The following ENKD1 variants were observed in gnomAD, a reference collection of about 807,000 sequenced individuals.
ENKD1 encodes the protein enkurin domain-containing protein 1.
Under a neutral mutation model 35.8 loss-of-function variants are expected in ENKD1, and 39 were observed. That is an observed-to-expected ratio of 1.09 (90% confidence interval 0.84 to 1.42). ENKD1 has a LOEUF of 1.42. ENKD1 is among the 40% of genes most tolerant of loss of function. ENKD1 has a pLI of 0.00. For synonymous variants in ENKD1, 205 were observed against 198.6 expected (o/e 1.03, Z -0.27); for missense variants, 474 against 471.3 (o/e 1.01, Z -0.05).
intron 2 of ENKD1, 126 bp downstream of exon 2, chr16:67,665,945 G>C (rs1032344184): frequency 9.7e-7 from 1 of 1,032,734 alleles, no homozygotes; most frequent in African/African-American, 1.6e-5. Flanking sequence ...CCCTTTTATA[G>C]TTGGGGAAAC....
chr16:67,663,874 GA>G, intron 4 of ENKD1, 54 bp from the exon 5 acceptor site: 1 of 1,602,954 alleles, frequency 6.2e-7, no homozygotes, highest in Non-Finnish European at 8.5e-7. Context: ...TTGTGTCCCT[GA>G]ACACCCCCCC....
intron 2 of ENKD1, 121 bp from the exon 3 acceptor site, chr16:67,665,289 T>A: frequency 9.8e-7 from 1 of 1,025,490 alleles, no homozygotes; most frequent in Non-Finnish European, 1.4e-6. Context: ...CCTCTCCAAC[T>A]ACCTTAGACC....
chr16:67,663,537 G>C lies in ENKD1; in HGVS notation c.763C>G (p.Leu255Val). Residue 255 changes from leucine to valine, a missense_variant, in exon 6 of 7, where the codon CTG becomes GTG. By Grantham distance (32) the Leu-to-Val change is conservative. Coordinates refer to ENST00000243878, the MANE Select transcript of ENKD1 (RefSeq NM_032140.3). ...CGGGCCTCGGCCTCCCGCCGCCACA[G>C]GTCCCTGCGCTCCAACAAGCTGTGG... ...VPHYLLERRDLWRREAEARKQ... is the reference protein window; with the variant it reads ...VPHYLLERRDVWRREAEARKQ... The C allele has an allele frequency of 5.6e-6, 9 of 1,612,254 alleles. No individual in the cohort carries two copies. The highest frequency in any genetic ancestry group is 7.6e-6 in the Non-Finnish European group (9 of 1,179,560).
At position 67,666,735 on chromosome 16, in the gene ENKD1, CTTG is replaced by C. The variant is rs990565609; in HGVS notation, c.-296_-294del. 4.6e-5 allele frequency: 22 copies of C among 481,990 alleles called. No individual in the cohort carries two copies. The highest frequency in any genetic ancestry group is 8.2e-5 in the African/African-American group (4 of 48,986). The allele number at this position is 481,990 out of a possible 1,614,324, so 29.9% of individuals were successfully genotyped here. A position where few individuals can be genotyped will look rare whatever the true frequency, so the allele number is the denominator to read the frequency against. On this transcript the variant is annotated 5_prime_UTR_variant, in exon 1 of 7. Transcript: ENST00000243878. ...CGCCAGCCGCTGCCACCCGACGGGACTTGTTGTTGCCGGGCAACCGTGGCTTCC... is the reference window on the plus strand; with the variant it reads ...CGCCAGCCGCTGCCACCCGACGGGACTTGTTGCCGGGCAACCGTGGCTTCC...
In ENKD1 at chr16:67,666,072, CTT is replaced by C. The variant is rs753830306; in HGVS notation, c.277_278del (p.Lys93GlufsTer5). ...CCTTCTTCCATTCCTGGGACTTACT[CTT>C]GAGAGAGGCCCCAGGACCTAGGGAG... Reference protein sequence around the residue: ...GISLGPGASLKRKDPKDHEKE... With the variant: ...GISLGPGASLXRKDPKDHEKE... On this transcript the variant is annotated frameshift_variant and splice_region_variant, in exon 2 of 7. Transcript: ENST00000243878. LOFTEE classifies it high-confidence loss of function. 6.2e-6 allele frequency: 10 copies of C among 1,612,402 alleles called. No individual in the cohort carries two copies. Among genetic ancestry groups the C allele is most frequent in the Non-Finnish European group, 8.5e-6 (10 of 1,179,836 alleles).
chr16:67,665,642 G>A (rs978140251), intron 2 of ENKD1, among the ~76,000 whole-genome samples: 1 of 152,192 alleles, frequency 6.6e-6, no homozygotes, highest in African/African-American at 2.4e-5. Flanking sequence ...GATTCCAGGA[G>A]TGAGCCACTG....
At position 67,665,094 on chromosome 16, in the gene ENKD1, C is replaced by T. The variant is rs1448883403; in HGVS notation, c.355G>A (p.Glu119Lys). Residue 119 changes from glutamate (E) to lysine (K), a missense_variant, in exon 3 of 7, where the codon GAG becomes AAG. Physicochemically the swap from Glu to Lys is moderately conservative, Grantham distance 56. Transcript: ENST00000243878. Reference sequence around the variant, plus strand: ...GGCTGGCCCTGCTCCCGGCTGCGCTCCTGTTCTCTGAAGCGCTTCTGAATC... The same window carrying T: ...GGCTGGCCCTGCTCCCGGCTGCGCTTCTGTTCTCTGAAGCGCTTCTGAATC... ...REIQKRFREQ[E>K]RSREQGQPRP... 1 of 1,613,966 alleles carries T rather than the reference C, an allele frequency of 6.2e-7. No homozygotes were observed. The highest frequency in any genetic ancestry group is 1.1e-5 in the South Asian group (1 of 91,088).
chr16:67,666,526 GC>G lies in ENKD1; in HGVS notation c.-85del. On this transcript the variant is annotated 5_prime_UTR_variant, in exon 1 of 7. Coordinates refer to ENST00000243878, the MANE Select transcript of ENKD1 (RefSeq NM_032140.3). Reference sequence around the variant, plus strand: ...CCCGGGCCCCCTTCCCCAACCCCGGGCCCCCTCCCTCGCCCGGCACCCTGAC... The same window carrying G: ...CCCGGGCCCCCTTCCCCAACCCCGGGCCCCTCCCTCGCCCGGCACCCTGAC... 1 of 1,266,040 alleles carries G rather than the reference GC, an allele frequency of 7.9e-7. No individual in the cohort carries two copies. The highest frequency in any genetic ancestry group is 1.7e-5 in the South Asian group (1 of 58,724). The allele number at this position is 1,266,040 out of a possible 1,614,324, so 78.4% of individuals were successfully genotyped here. A position where few individuals can be genotyped will look rare whatever the true frequency, so the allele number is the denominator to read the frequency against.
At chr16:67,663,869 T>A in intron 4 of ENKD1, 49 bp from the exon 5 acceptor site, 1 of 1,602,378 alleles carries the variant, frequency 6.2e-7, no homozygotes, top group Admixed American at 1.7e-5. Flanking sequence ...TTATGTTGTG[T>A]CCCTGAACAC....
chr16:67,666,592 G>A lies in ENKD1; in HGVS notation c.-150C>T. The A allele has an allele frequency of 1.4e-6, 1 of 697,498 alleles. No homozygotes were observed. The highest frequency in any genetic ancestry group is 2.2e-6 in the Non-Finnish European group (1 of 461,864). The allele number at this position is 697,498 out of a possible 1,614,324, so 43.2% of individuals were successfully genotyped here. On this transcript the variant is annotated 5_prime_UTR_variant, in exon 1 of 7. Coordinates refer to ENST00000243878, the MANE Select transcript of ENKD1 (RefSeq NM_032140.3). ...CACTCCCGGGCCCCTGCCGGTCCCCGCCTGGGCCCCGGCCTCGCTCGCCAC... is the reference window on the plus strand; with the variant it reads ...CACTCCCGGGCCCCTGCCGGTCCCCACCTGGGCCCCGGCCTCGCTCGCCAC...
intron 3 of ENKD1, among the ~76,000 whole-genome samples, chr16:67,664,688 C>T (rs186109033): frequency 7.9e-5 from 12 of 152,320 alleles, no homozygotes; most frequent in Admixed American, 1.3e-4. Context: ...CCTAACTTCA[C>T]GCCCTTCTTT....
At chr16:67,665,279 C>T (rs2053086144) in intron 2 of ENKD1, 111 bp from the exon 3 acceptor site, 3 of 1,208,816 alleles carry the variant, frequency 2.5e-6, no homozygotes, top group South Asian at 2.9e-5. Context: ...AGCTCCCTGA[C>T]CTCTCCAACT....
chr16:67,663,855 A>G lies in ENKD1; in HGVS notation c.580-35T>C, dbSNP rs756882411. The G allele has an allele frequency of 1.9e-6, 3 of 1,601,778 alleles. No individual in the cohort carries two copies. In the East Asian group the frequency reaches 6.8e-5, roughly 36 times the overall value. ...ACAGCAAGCGTGGGTGGGGGCAGAC[A>G]GCATTATGTTGTGTCCCTGAACACC... On this transcript the variant is annotated intron_variant, in intron 4 of 6. Transcript: ENST00000243878.
chr16:67,663,759 C>CG lies in ENKD1; in HGVS notation c.640dup (p.Arg214ProfsTer68), dbSNP rs772512087. 8 of 1,611,078 alleles carry CG rather than the reference C, an allele frequency of 5.0e-6. No homozygotes were observed. Among genetic ancestry groups the CG allele is most frequent in the African/African-American group, 2.7e-5 (2 of 75,000 alleles). Reference sequence around the variant, plus strand: ...GACCTGCAGTGAGCAGGAATGCCTCCGGGGGGCTCTCTTGGCAGCTCGTGC... The same window carrying CG: ...GACCTGCAGTGAGCAGGAATGCCTCCGGGGGGGCTCTCTTGGCAGCTCGTGC... On this transcript the variant is annotated frameshift_variant, in exon 5 of 7. Transcript: ENST00000243878. LOFTEE classifies it high-confidence loss of function.
chr16:67,666,185 C>T lies in ENKD1; in HGVS notation c.166G>A (p.Gly56Ser), dbSNP rs1448153388. The T allele has an allele frequency of 3.1e-6, 5 of 1,611,958 alleles. No individual in the cohort carries two copies. The highest frequency in any genetic ancestry group is 4.2e-6 in the Non-Finnish European group (5 of 1,179,616). The change falls in exon 2 of 7, where the codon GGC becomes AGC. Residue 56 changes from glycine (G) to serine (S), a missense_variant. Transcript: ENST00000243878. ...CCGGCACCGGGACCGATGCAGGGGC[C>T]ACGGGGAGCGGTGGTGTCCAGGGCC... is the stretch of plus-strand genomic sequence containing the variant. ...DRALDTTAPR[G>S]PCIGPGAGEI...
Position 67,666,137 on chromosome 16 carries a change from G to A in ENKD1, c.214C>T (p.Arg72Cys). ...GAGEILERGQ[R>C]GVGDVLLQLE... ...TGCAACAGCACGTCCCCGACGCCGCGCTGGCCGCGCTCCAGGATCTCTCCG... is the reference window on the plus strand; with the variant it reads ...TGCAACAGCACGTCCCCGACGCCGCACTGGCCGCGCTCCAGGATCTCTCCG... Residue 72 changes from arginine (R) to cysteine (C), a missense_variant, in exon 2 of 7, where the codon CGC (arginine) becomes TGC (cysteine). By Grantham distance (180) the Arg-to-Cys change is radical (BLOSUM62 -3). Transcript: ENST00000243878. 1 of 1,612,774 alleles carries A rather than the reference G, an allele frequency of 6.2e-7. No homozygotes were observed. The highest frequency in any genetic ancestry group is 2.2e-5 in the East Asian group (1 of 44,884).
chr16:67,664,896 T>G, intron 3 of ENKD1, 100 bp downstream of exon 3: 1 of 1,435,022 alleles, frequency 7.0e-7, no homozygotes. Flanking sequence ...AGTCCTCTGT[T>G]ACCTCTGTGA....
chr16:67,664,413 G>A lies in ENKD1; in HGVS notation c.454-351C>T, dbSNP rs1050939728. The A allele has an allele frequency of 1.8e-5, 7 of 393,548 alleles. 1 individual carries two copies. The highest frequency in any genetic ancestry group is 8.2e-5 in the South Asian group (4 of 48,570). 24.4% of individuals were successfully genotyped at this position (393,548 alleles called of 1,614,324 possible). A position where few individuals can be genotyped will look rare whatever the true frequency, so the allele number is the denominator to read the frequency against. ...TGGTCTCGTTGTCCTCAACCTGATC[G>A]TCAATAACTCCTAGGTCTCACTCCT... is the stretch of plus-strand genomic sequence containing the variant. On this transcript the variant is annotated intron_variant, in intron 3 of 6. Coordinates refer to ENST00000243878, the MANE Select transcript of ENKD1 (RefSeq NM_032140.3).
At position 67,663,816 on chromosome 16, in the gene ENKD1, G is replaced by A. The variant is rs750493946; in HGVS notation, c.584C>T (p.Pro195Leu). Residue 195 changes from proline to leucine, a missense_variant, in exon 5 of 7, where the codon CCA becomes CTA. Pro to Leu is a moderately conservative substitution (Grantham distance 98, BLOSUM62 -3). Transcript: ENST00000243878. Reference sequence around the variant, plus strand: ...ACGAATGAAGTCCACCCCCAGGCCTGGCTCCTGCAGGACACAGCAAGCGTG... The same window carrying A: ...ACGAATGAAGTCCACCCCCAGGCCTAGCTCCTGCAGGACACAGCAAGCGTG... ...PTPPGPEAKEPGLGVDFIRHN... is the reference protein window; with the variant it reads ...PTPPGPEAKELGLGVDFIRHN... 3.7e-6 allele frequency: 6 copies of A among 1,604,800 alleles called. No individual in the cohort carries two copies. The highest frequency in any genetic ancestry group is 1.7e-4 in the Middle Eastern group (1 of 6,060).
Sources: allele counts gnomAD v4.1 joint callset (sites outside exome capture counted in the v4.1 genomes callset), GRCh38; gene constraint gnomAD v4.1.1; transcripts MANE v1.5; gene names NCBI Gene and HGNC (gene_info 2026-07-23, HGNC 2026-07-21).